Variants in DPP10 observed in about 807,000 individuals in gnomAD.
The protein encoded by DPP10 is inactive dipeptidyl peptidase 10.
Under a neutral mutation model 120.9 loss-of-function variants are expected in DPP10, and 33 were observed. The observed-to-expected ratio is 0.27, with a 90% confidence interval of 0.21 to 0.37. The LOEUF is 0.37. DPP10 is among the 10% of genes least tolerant of loss of function. The probability of loss-of-function intolerance (pLI) is 1.00; values close to 1 mark genes in which losing one functional copy is unlikely to be tolerated. For missense variants in DPP10, 816 were observed against 942.8 expected, an observed-to-expected ratio of 0.87 and a Z score of 1.76; for synonymous variants, 337 against 326.1, an observed-to-expected ratio of 1.03 and a Z score of -0.36.
intron 1 of DPP10, among the ~76,000 whole-genome samples, chr2:115,031,472 G>A (rs1333215759): frequency 6.6e-6 from 1 of 151,974 alleles, no homozygotes; most frequent in Middle Eastern, 3.2e-3. Context: ...GACCTTCAAG[G>A]GAATAAACAG....
intron 3 of DPP10, among the ~76,000 whole-genome samples, chr2:115,444,575 TGGTTATGAAGTA>T (rs1352513944): frequency 2.0e-5 from 3 of 152,222 alleles, no homozygotes; most frequent in African/African-American, 7.2e-5. Flanking sequence ...TCTGAATCCA[TGGTTATGAAGTA>T]GGAATATCCA....
At chr2:114,914,546 C>T (rs190472898) in intron 1 of DPP10, among the ~76,000 whole-genome samples, 66 of 152,262 alleles carry the variant, frequency 4.3e-4, no homozygotes, top group Middle Eastern at 3.4e-3. Flanking sequence ...TTACAAGAAG[C>T]CCTTAAGGGA....
At chr2:115,488,741 G>GA (rs2075906514) in intron 3 of DPP10, among the ~76,000 whole-genome samples, 1 of 123,916 alleles carries the variant, frequency 8.1e-6, no homozygotes, top group South Asian at 3.1e-4. Context: ...GGGGTCGGGG[G>GA]AGGGGGGAGG....
At chr2:115,583,673 T>G (rs1192544992) in intron 5 of DPP10, among the ~76,000 whole-genome samples, 2 of 152,150 alleles carry the variant, frequency 1.3e-5, no homozygotes, top group Non-Finnish European at 2.9e-5. Context: ...TCCACTATAT[T>G]CTACTGATCA....
chr2:115,188,978 A>G (rs1264374509), intron 1 of DPP10, among the ~76,000 whole-genome samples: 3 of 152,238 alleles, frequency 2.0e-5, no homozygotes, highest in Non-Finnish European at 4.4e-5. Flanking sequence ...AAAATGATTC[A>G]GAAAGGTAAC....
At chr2:114,680,839 A>C (rs1011361025) in intron 1 of DPP10, among the ~76,000 whole-genome samples, 1 of 151,936 alleles carries the variant, frequency 6.6e-6, no homozygotes, top group African/African-American at 2.4e-5. Flanking sequence ...ACCTAGAAAA[A>C]CCATGTGACT....
chr2:115,511,069 C>G (rs1248868610), intron 4 of DPP10, among the ~76,000 whole-genome samples: 4 of 152,096 alleles, frequency 2.6e-5, no homozygotes, highest in Non-Finnish European at 5.9e-5. Context: ...CTTTTTCCAA[C>G]TATGTCTTTG....
At chr2:114,949,791 G>A (rs908064204) in intron 1 of DPP10, among the ~76,000 whole-genome samples, 4 of 152,154 alleles carry the variant, frequency 2.6e-5, no homozygotes, top group African/African-American at 4.8e-5. Context: ...TGGGGAGGGA[G>A]GAAACAATGT....
rs150702044 is a variant in DPP10 at position 115,029,006 on chromosome 2, T to G, written c.61-280233T>G. 2.2e-3 allele frequency among the ~76,000 whole-genome samples: 342 copies of G among 152,232 alleles called. 1 individual carries two copies. Among genetic ancestry groups the G allele is most frequent in the African/African-American group, 8.1e-3 (336 of 41,590 alleles). ...TTAGTTGTCTTTGTTTTCTATCCAG[T>G]TAATCACTCTGTGTATTTTTATTAG... On this transcript the variant is annotated intron_variant, in intron 1 of 25. Transcript: ENST00000410059.
intron 1 of DPP10, among the ~76,000 whole-genome samples, chr2:114,457,960 C>T (rs1678673320): frequency 6.6e-6 from 1 of 152,152 alleles, no homozygotes; most frequent in Non-Finnish European, 1.5e-5. Context: ...AGTGTTAACC[C>T]AGAAAGCAAC....
At chr2:115,537,122 C>A (rs1248692208) in intron 5 of DPP10, among the ~76,000 whole-genome samples, 1 of 151,988 alleles carries the variant, frequency 6.6e-6, no homozygotes, top group Non-Finnish European at 1.5e-5. Context: ...GATGCAGGTT[C>A]CAACCTTCTT....
chr2:115,594,268 A>G (rs980494460), intron 5 of DPP10, among the ~76,000 whole-genome samples: 4 of 152,198 alleles, frequency 2.6e-5, no homozygotes, highest in Non-Finnish European at 5.9e-5. Context: ...ACTTACACAA[A>G]TAACTATATT....
chr2:114,632,510 T>G (rs962776881), intron 1 of DPP10, among the ~76,000 whole-genome samples: 8 of 131,730 alleles, frequency 6.1e-5, no homozygotes, highest in Non-Finnish European at 6.5e-5. Flanking sequence ...AGGGTTTTTT[T>G]TTTTTTTTTT....
At chr2:115,073,074 C>T (rs760262500) in intron 1 of DPP10, among the ~76,000 whole-genome samples, 6 of 152,200 alleles carry the variant, frequency 3.9e-5, no homozygotes, top group Non-Finnish European at 7.3e-5. Context: ...TGAGCCACTG[C>T]GCCCAGCCAG....
At chr2:115,229,578 T>C (rs530975053) in intron 1 of DPP10, among the ~76,000 whole-genome samples, 49 of 152,128 alleles carry the variant, frequency 3.2e-4, no homozygotes, top group Non-Finnish European at 5.6e-4. Context: ...TCTAGTCTTA[T>C]TCTGCATGTG....
chr2:115,073,196 T>TA (rs1488426599), intron 1 of DPP10, among the ~76,000 whole-genome samples: 5 of 152,252 alleles, frequency 3.3e-5, no homozygotes, highest in Non-Finnish European at 4.4e-5. Flanking sequence ...TGTTCATGTG[T>TA]ACATGGAATT....
chr2:114,925,004 GT>G (rs1190287078), intron 1 of DPP10, among the ~76,000 whole-genome samples: 1 of 152,160 alleles, frequency 6.6e-6, no homozygotes, highest in Non-Finnish European at 1.5e-5. Flanking sequence ...GAGGTCAGGA[GT>G]TTGAGACCAG....
At chr2:114,502,260 T>C (rs1234318609) in intron 1 of DPP10, among the ~76,000 whole-genome samples, 2 of 152,106 alleles carry the variant, frequency 1.3e-5, no homozygotes, top group African/African-American at 4.8e-5. Context: ...GCCAAAAGAC[T>C]GATATTTTAT....
intron 1 of DPP10, among the ~76,000 whole-genome samples, chr2:114,663,171 G>T (rs2105565145): frequency 6.6e-6 from 1 of 151,664 alleles, no homozygotes; most frequent in South Asian, 2.1e-4. Context: ...AAGGAAATAG[G>T]TGGGCTATAT....
Sources: gnomAD v4.1 joint callset for allele counts (sites outside exome capture counted in the v4.1 genomes callset) on GRCh38, gnomAD v4.1.1 for gene constraint, MANE v1.5 for transcripts, NCBI Gene and HGNC (gene_info 2026-07-23, HGNC 2026-07-21) for gene names.